The following AMPH variants were observed in gnomAD, a reference collection of about 807,000 sequenced individuals.
AMPH encodes the protein amphiphysin.
A neutral mutation model predicts 99.1 loss-of-function variants in AMPH; 49 were observed. The observed-to-expected ratio is 0.49, with a 90% confidence interval of 0.39 to 0.63. AMPH has a LOEUF of 0.63. AMPH is among the 20% of genes least tolerant of loss of function. The probability of loss-of-function intolerance (pLI) is 0.00; values close to 1 mark genes in which losing one functional copy is unlikely to be tolerated. For missense variants in AMPH, 759 were observed against 863.4 expected (o/e 0.88, Z 1.52); for synonymous variants, 314 against 317.3 (o/e 0.99, Z 0.11).
intron 5 of AMPH, among the ~76,000 whole-genome samples, chr7:38,478,283 G>A (rs1010551286): frequency 3.9e-5 from 6 of 151,990 alleles, no homozygotes; most frequent in African/African-American, 1.4e-4. Flanking sequence ...CAGCACCTAA[G>A]GGCCCCCAAG....
chr7:38,554,760 G>C (rs10253064), intron 1 of AMPH, among the ~76,000 whole-genome samples: 150,566 of 152,314 alleles, frequency 0.99, 74,427 homozygotes, highest in East Asian at 1. Flanking sequence ...ATAAAATGGT[G>C]TGGGAGGCTT....
At chr7:38,607,158 C>A (rs531091397) in intron 1 of AMPH, among the ~76,000 whole-genome samples, 2 of 152,290 alleles carry the variant, frequency 1.3e-5, no homozygotes, top group East Asian at 3.9e-4. Flanking sequence ...CTCAGAAAAG[C>A]ATTCTTTAAT....
intron 2 of AMPH, among the ~76,000 whole-genome samples, chr7:38,529,900 C>A (rs1015084182): frequency 1.3e-5 from 2 of 152,020 alleles, no homozygotes; most frequent in African/African-American, 4.8e-5. Context: ...AAATTTTATC[C>A]ACACATTAAC....
intron 11 of AMPH, among the ~76,000 whole-genome samples, chr7:38,448,375 TC>T (rs1786870828): frequency 6.6e-6 from 1 of 152,188 alleles, no homozygotes; most frequent in Non-Finnish European, 1.5e-5. Context: ...TGTTCCAAGA[TC>T]CCCAGGGGAT....
At chr7:38,586,622 G>C (rs1477962698) in intron 1 of AMPH, among the ~76,000 whole-genome samples, 1 of 152,174 alleles carries the variant, frequency 6.6e-6, no homozygotes, top group Non-Finnish European at 1.5e-5. Flanking sequence ...GAGGGGTCTA[G>C]AGCTGATGCA....
intron 5 of AMPH, among the ~76,000 whole-genome samples, chr7:38,488,518 CG>C (rs1788598052): frequency 8.7e-5 from 1 of 11,448 alleles, no homozygotes. Flanking sequence ...CGGGGCCTGT[CG>C]GGGGGTGGGG....
intron 11 of AMPH, among the ~76,000 whole-genome samples, chr7:38,452,885 C>G (rs1194648156): frequency 2.0e-5 from 3 of 152,170 alleles, no homozygotes; most frequent in Admixed American, 6.5e-5. Flanking sequence ...TTTATAGCTA[C>G]AGAGGAACAA....
intron 1 of AMPH, among the ~76,000 whole-genome samples, chr7:38,552,345 A>G (rs886153225): frequency 2.6e-4 from 40 of 152,350 alleles, no homozygotes; most frequent in African/African-American, 9.6e-4. Context: ...AGGTCTGCAC[A>G]GATCATTTGG....
intron 4 of AMPH, among the ~76,000 whole-genome samples, chr7:38,492,818 A>G (rs1043234716): frequency 6.6e-6 from 1 of 152,222 alleles, no homozygotes; most frequent in Admixed American, 6.5e-5. Flanking sequence ...CTGAAAAGTT[A>G]TTAACACAAG....
chr7:38,570,811 C>T (rs1045255654), intron 1 of AMPH, among the ~76,000 whole-genome samples: 2 of 147,696 alleles, frequency 1.4e-5, no homozygotes, highest in African/African-American at 5.0e-5. Flanking sequence ...TATGTTAGTG[C>T]CCTGAAAACC....
intron 17 of AMPH, among the ~76,000 whole-genome samples, chr7:38,417,029 C>T (rs913574407): frequency 6.6e-6 from 1 of 152,058 alleles, no homozygotes; most frequent in Admixed American, 6.5e-5. Flanking sequence ...CCTATTTGTA[C>T]AGTCTATGAA....
intron 6 of AMPH, 38 bp downstream of exon 6, chr7:38,476,820 TAAAA>T (rs1562780278): frequency 3.4e-6 from 5 of 1,465,484 alleles, no homozygotes; most frequent in Non-Finnish European, 4.8e-6. Flanking sequence ...CAACAGGTCA[TAAAA>T]TACGGAGAGT....
At chr7:38,495,502 T>C (rs1218897959) in intron 3 of AMPH, among the ~76,000 whole-genome samples, 1 of 152,034 alleles carries the variant, frequency 6.6e-6, no homozygotes, top group Non-Finnish European at 1.5e-5. Context: ...GACATGCCAG[T>C]AAACTTCACC....
intron 1 of AMPH, among the ~76,000 whole-genome samples, chr7:38,573,197 C>T (rs758687775): frequency 3.9e-5 from 6 of 152,154 alleles, no homozygotes; most frequent in Non-Finnish European, 7.3e-5. Context: ...TGTGGCACTG[C>T]TCGGGCTTCC....
At chr7:38,630,338 C>G (rs1406496060) in intron 1 of AMPH, among the ~76,000 whole-genome samples, 1 of 152,202 alleles carries the variant, frequency 6.6e-6, no homozygotes, top group Non-Finnish European at 1.5e-5. Context: ...ATACAGCAGT[C>G]ACCAGGGAAG....
intron 12 of AMPH, 108 bp downstream of exon 12, chr7:38,436,164 A>C: frequency 1.2e-6 from 1 of 812,406 alleles, no homozygotes; most frequent in South Asian, 1.6e-5. Context: ...CTGTCAACCA[A>C]AAATAAAAAT....
chr7:38,571,269 A>T lies in AMPH; in HGVS notation c.70-36258T>A, dbSNP rs1261940386. On this transcript the variant is annotated intron_variant, in intron 1 of 20. Transcript: ENST00000356264. ...ATAAATATATATTAAATATATATTTATATATATATTTTTATATATATTTAT... is the reference window on the plus strand; with the variant it reads ...ATAAATATATATTAAATATATATTTTTATATATATTTTTATATATATTTAT... Among the ~76,000 whole-genome samples, 26 of 40,702 alleles carry T rather than the reference A, an allele frequency of 6.4e-4. 1 individual carries two copies. The highest frequency in any genetic ancestry group is 9.2e-4 in the Non-Finnish European group (21 of 22,922). 26.7% of individuals were successfully genotyped at this position (40,702 alleles called of 152,430 possible).
At chr7:38,610,204 C>A (rs2129065167) in intron 1 of AMPH, among the ~76,000 whole-genome samples, 1 of 128,616 alleles carries the variant, frequency 7.8e-6, no homozygotes, top group Non-Finnish European at 1.6e-5. Context: ...CCATTGCACT[C>A]CAGCCCGGGC....
At chr7:38,563,141 G>GAATA (rs1023520791) in intron 1 of AMPH, among the ~76,000 whole-genome samples, 1 of 151,818 alleles carries the variant, frequency 6.6e-6, no homozygotes, top group Non-Finnish European at 1.5e-5. Context: ...AATGATGAAT[G>GAATA]AATGAATGAA....
Sources: allele counts gnomAD v4.1 joint callset (sites outside exome capture counted in the v4.1 genomes callset), GRCh38; gene constraint gnomAD v4.1.1; transcripts MANE v1.5; gene names NCBI Gene and HGNC (gene_info 2026-07-23, HGNC 2026-07-21).